MAGI1: variants seen among roughly 807,000 people sequenced by gnomAD.
MAGI1 encodes the protein membrane associated guanylate kinase, WW and PDZ domain containing 1.
Under a neutral mutation model 139.9 loss-of-function variants are expected in MAGI1, and 58 were observed. That is an observed-to-expected ratio of 0.41 (90% CI 0.34 to 0.52). The LOEUF is 0.52. Ranked by LOEUF, MAGI1 falls within the 20% of genes least tolerant of loss-of-function variation. The pLI is 0.12. For synonymous variants in MAGI1, 812 were observed against 737.9 expected (o/e 1.10, Z -1.63); for missense variants, 1,874 against 1,901.6 (o/e 0.99, Z 0.27).
At chr3:65,812,460 T>TCACA (rs1241847173) in intron 1 of MAGI1, among the ~76,000 whole-genome samples, 1,416 of 99,210 alleles carry the variant, frequency 0.014, 29 homozygotes, top group African/African-American at 0.051. Flanking sequence ...TCTCTCTCTC[T>TCACA]CTCTCTCTCA....
intron 5 of MAGI1, among the ~76,000 whole-genome samples, chr3:65,463,930 T>C (rs1949995236): frequency 6.6e-6 from 1 of 152,212 alleles, no homozygotes; most frequent in African/African-American, 2.4e-5. Flanking sequence ...ATTTATACTA[T>C]TCTCTGATGG....
intron 1 of MAGI1, among the ~76,000 whole-genome samples, chr3:65,722,683 ACT>A (rs1274861859): frequency 5.3e-5 from 8 of 152,160 alleles, no homozygotes; most frequent in African/African-American, 1.9e-4. Flanking sequence ...TGGTTGTTAA[ACT>A]CTGTGATAAC....
intron 1 of MAGI1, among the ~76,000 whole-genome samples, chr3:65,752,205 T>G (rs1259575263): frequency 6.6e-6 from 1 of 152,174 alleles, no homozygotes; most frequent in Non-Finnish European, 1.5e-5. Flanking sequence ...CTCCTTGGCC[T>G]CCCAAAGTGC....
chr3:65,370,474 T>C (rs1463169182), intron 18 of MAGI1, among the ~76,000 whole-genome samples: 1 of 152,242 alleles, frequency 6.6e-6, no homozygotes, highest in Non-Finnish European at 1.5e-5. Flanking sequence ...ACCAGTTTTA[T>C]GTTTACTTGT....
intron 10 of MAGI1, among the ~76,000 whole-genome samples, chr3:65,431,628 A>C (rs1309240544): frequency 1.3e-5 from 2 of 152,134 alleles, no homozygotes; most frequent in East Asian, 3.8e-4. Flanking sequence ...ACACACACAC[A>C]AAATCCCTAA....
intron 1 of MAGI1, among the ~76,000 whole-genome samples, chr3:65,771,179 C>T (rs952106413): frequency 7.2e-5 from 11 of 151,800 alleles, no homozygotes; most frequent in South Asian, 6.2e-4. Context: ...TGGTGGCATG[C>T]ACCTGTAGTC....
At chr3:66,018,116 G>T (rs111236444) in intron 1 of MAGI1, among the ~76,000 whole-genome samples, 4 of 137,326 alleles carry the variant, frequency 2.9e-5, no homozygotes, top group African/African-American at 5.2e-5. Context: ...ACTTTGGTGG[G>T]GGGGGGGGGT....
At chr3:65,371,602 G>T (rs1045989110) in intron 18 of MAGI1, among the ~76,000 whole-genome samples, 1 of 152,242 alleles carries the variant, frequency 6.6e-6, no homozygotes, top group East Asian at 1.9e-4. Flanking sequence ...TTCAATGAAA[G>T]ATTTCTCTGC....
At chr3:65,957,739 T>C (rs1160577021) in intron 1 of MAGI1, among the ~76,000 whole-genome samples, 2 of 151,962 alleles carry the variant, frequency 1.3e-5, no homozygotes, top group African/African-American at 2.4e-5. Flanking sequence ...CTGGTTGCTA[T>C]TATGTTTTAG....
rs568002796 is a variant in MAGI1 at position 66,022,687 on chromosome 3, C to T, written c.313+15309G>A. Among the ~76,000 whole-genome samples, 29 of 152,230 alleles carry T rather than the reference C, an allele frequency of 1.9e-4. 1 individual carries two copies. The highest frequency in any genetic ancestry group is 7.0e-4 in the African/African-American group (29 of 41,546). On this transcript the variant is annotated intron_variant, in intron 1 of 22. Coordinates refer to ENST00000402939, the MANE Select transcript of MAGI1 (RefSeq NM_001033057.2). ...AGCTTTTGGACACGTGTCAGCCATTCGAACATGGAATCTCATTGTCTCTGT... is the reference window on the plus strand; with the variant it reads ...AGCTTTTGGACACGTGTCAGCCATTTGAACATGGAATCTCATTGTCTCTGT...
chr3:65,374,468 C>A (rs1942309525), intron 18 of MAGI1, among the ~76,000 whole-genome samples: 1 of 151,976 alleles, frequency 6.6e-6, no homozygotes, highest in Non-Finnish European at 1.5e-5. Context: ...CAGGCATGTG[C>A]CACCACGCTA....
At chr3:65,592,889 T>C (rs928363001) in intron 2 of MAGI1, among the ~76,000 whole-genome samples, 9 of 152,168 alleles carry the variant, frequency 5.9e-5, no homozygotes, top group African/African-American at 2.2e-4. Context: ...CCCTATTCCC[T>C]GATCTTATTA....
chr3:65,710,269 C>CTTTTTTTT lies in MAGI1; in HGVS notation c.314-88189_314-88182dup, dbSNP rs1175790063. Among the ~76,000 whole-genome samples, 7 of 66,876 alleles carry CTTTTTTTT rather than the reference C, an allele frequency of 1.0e-4. 1 individual carries two copies. Among genetic ancestry groups the CTTTTTTTT allele is most frequent in the Admixed American group, 1.8e-4 (1 of 5,424 alleles). The allele number at this position is 66,876 out of a possible 152,430, so 43.9% of individuals were successfully genotyped here. ...TGAATCACTTATTAACCTTACATTT[C>CTTTTTTTT]TTTTTTTTTTTTTTTTTTTTTTTTT... On this transcript the variant is annotated intron_variant, in intron 1 of 22. Coordinates refer to ENST00000402939, the MANE Select transcript of MAGI1 (RefSeq NM_001033057.2).
intron 1 of MAGI1, among the ~76,000 whole-genome samples, chr3:65,776,725 A>T (rs2038469833): frequency 6.6e-6 from 1 of 152,230 alleles, no homozygotes. Context: ...AATAACCACG[A>T]ATTTAATGTA....
intron 1 of MAGI1, among the ~76,000 whole-genome samples, chr3:65,647,952 A>G (rs1490467413): frequency 6.6e-6 from 1 of 152,198 alleles, no homozygotes; most frequent in African/African-American, 2.4e-5. Context: ...GTGTTGGCAA[A>G]AAAGAGCCAG....
intron 5 of MAGI1, among the ~76,000 whole-genome samples, chr3:65,467,038 G>A (rs1950218224): frequency 6.6e-6 from 1 of 152,186 alleles, no homozygotes; most frequent in Non-Finnish European, 1.5e-5. Flanking sequence ...GCATTTCTGG[G>A]TTGCTGGCTC....
intron 1 of MAGI1, among the ~76,000 whole-genome samples, chr3:65,860,419 G>T (rs2059516360): frequency 6.6e-6 from 1 of 152,178 alleles, no homozygotes; most frequent in South Asian, 2.1e-4. Flanking sequence ...TGCAGACAAG[G>T]GTATTGACAG....
intron 1 of MAGI1, among the ~76,000 whole-genome samples, chr3:65,844,992 A>G (rs979184547): frequency 8.6e-5 from 13 of 151,964 alleles, no homozygotes; most frequent in Admixed American, 1.3e-4. Flanking sequence ...GGTTGCTCAC[A>G]CTGTAATCCC....
chr3:65,906,623 T>C (rs542046968), intron 1 of MAGI1, among the ~76,000 whole-genome samples: 45 of 152,256 alleles, frequency 3.0e-4, no homozygotes, highest in African/African-American at 1.1e-3. Flanking sequence ...TGGTGGCTCA[T>C]GCCTGGAATC....
Sources: gnomAD v4.1 joint callset for allele counts (sites outside exome capture counted in the v4.1 genomes callset) on GRCh38, gnomAD v4.1.1 for gene constraint, MANE v1.5 for transcripts, NCBI Gene and HGNC (gene_info 2026-07-23, HGNC 2026-07-21) for gene names.